The following SON variants were observed in gnomAD, a reference collection of about 807,000 sequenced individuals.
SON encodes the protein SON DNA and RNA binding protein.
A neutral mutation model predicts 173.3 loss-of-function variants in SON; 4 were observed. The ratio of observed to expected loss-of-function variants is 0.02; its 90% CI spans 0.01 to 0.05. The LOEUF (loss-of-function observed/expected upper bound fraction) is 0.05, where lower values mean the gene tolerates loss of function less well. Ranked by LOEUF, SON falls within the 10% of genes least tolerant of loss-of-function variation. The pLI, the probability that SON is intolerant of heterozygous loss-of-function variation, is 1.00. For synonymous variants in SON, 1,190 were observed against 1,105.9 expected (o/e 1.08, Z -1.51); for missense variants, 2,626 against 3,055.3 (o/e 0.86, Z 3.31).
chr21:33,567,420 G>A lies in SON; in HGVS notation c.6768+153G>A, dbSNP rs2086196406. ...TTTCAATGTCTTATTTTAAATGAAA[G>A]TGATTCGAGGCCTGATCATTTATTC... On this transcript the variant is annotated intron_variant, in intron 7 of 11. Transcript: ENST00000356577. 6 of 608,754 alleles carry A rather than the reference G, an allele frequency of 9.9e-6. 1 individual carries two copies. In the East Asian group the frequency reaches 1.7e-4, roughly 17 times the overall value. The allele number at this position is 608,754 out of a possible 1,614,324, so 37.7% of individuals were successfully genotyped here.
chr21:33,545,778 T>TA (rs1212376096), intron 1 of SON, among the ~76,000 whole-genome samples: 4 of 152,246 alleles, frequency 2.6e-5, no homozygotes, highest in African/African-American at 9.6e-5. Context: ...TGTTCCTTGA[T>TA]ACTATTGATG....
In SON at chr21:33,551,381, C is replaced by G; in HGVS notation, c.2150C>G (p.Ala717Gly). The G allele has an allele frequency of 6.2e-7, 1 of 1,614,122 alleles. No homozygotes were observed. Among genetic ancestry groups the G allele is most frequent in the East Asian group, 2.2e-5 (1 of 44,888 alleles). The stretch of plus-strand genomic sequence containing the variant: ...ATGGCCCCAGAATCCCATATATTAG[C>G]TTCTAACACCATGGAGACCCATATA... ...PLMAPESHILASNTMETHILA... is the reference protein window; with the variant it reads ...PLMAPESHILGSNTMETHILA... The change falls in exon 3 of 12, where the codon GCT becomes GGT. Residue 717 changes from alanine to glycine, a missense_variant. Ala to Gly is a moderately conservative substitution (Grantham distance 60, BLOSUM62 0). Around this residue, in one of 13 missense-constraint regions of SON, gnomAD observed 182 missense variants for 193.6 expected, o/e 0.94. Coordinates refer to ENST00000356577, the MANE Select transcript of SON (RefSeq NM_138927.4).
chr21:33,554,607 T>A lies in SON; in HGVS notation c.5376T>A (p.Ile1792=). Residue 1792 remains isoleucine, a synonymous_variant, in exon 3 of 12, where the codon ATT becomes ATA. Transcript: ENST00000356577. ...CAGAGGAAAAAGATGATTATGAAAT[T>A]TTTGTAAAAGTTAAGGACACTCACG... ...SSSEEKDDYE[I]FVKVKDTHEK... is the part of the protein sequence containing the mutation. 6.2e-7 allele frequency: 1 copy of A among 1,613,838 alleles called. No individual in the cohort carries two copies. The highest frequency in any genetic ancestry group is 8.5e-7 in the Non-Finnish European group (1 of 1,179,996).
Position 33,549,456 on chromosome 21 carries a change from T to C in SON, c.245-20T>C, listed in dbSNP as rs1283404610. On this transcript the variant is annotated intron_variant, in intron 2 of 11. Coordinates refer to ENST00000356577, the MANE Select transcript of SON (RefSeq NM_138927.4). ...CTACTTTGGGGAATGTCTGACAAAA[T>C]TAATTTCTATTACTTTTAGACTTGA... The C allele has an allele frequency of 6.6e-7, 1 of 1,514,310 alleles. No homozygotes were observed. Among genetic ancestry groups the C allele is most frequent in the Non-Finnish European group, 8.8e-7 (1 of 1,136,798 alleles). 93.8% of individuals were successfully genotyped at this position (1,514,310 alleles called of 1,614,324 possible).
Position 33,553,299 on chromosome 21 carries a change from T to A in SON, c.4068T>A (p.Ala1356=), listed in dbSNP as rs1401455420. 1 of 1,614,196 alleles carries A rather than the reference T, an allele frequency of 6.2e-7. No homozygotes were observed. Among genetic ancestry groups the A allele is most frequent in the Non-Finnish European group, 8.5e-7 (1 of 1,180,018 alleles). The part of the protein sequence containing the change: ...PPAMAAPESS[A]MAVLESSAVT... ...CCATGGCTGCCCCAGAGTCTTCAGC[T>A]ATGGCTGTCCTGGAGTCTTCGGCTG... Residue 1356 remains alanine (A), a synonymous_variant, in exon 3 of 12, where the codon GCT becomes GCA. Coordinates refer to ENST00000356577, the MANE Select transcript of SON (RefSeq NM_138927.4).
chr21:33,553,155 A>G lies in SON; in HGVS notation c.3924A>G (p.Thr1308=). 6.2e-7 allele frequency: 1 copy of G among 1,614,216 alleles called. No homozygotes were observed. Among genetic ancestry groups the G allele is most frequent in the Non-Finnish European group, 8.5e-7 (1 of 1,180,046 alleles). Reference sequence around the variant, plus strand: ...CAGAGCCTCCTGTTATGTCAGAGACAGCAGAAACATTTGATTCCATGAGAG... The same window carrying G: ...CAGAGCCTCCTGTTATGTCAGAGACGGCAGAAACATTTGATTCCATGAGAG... The part of the protein sequence containing the change: ...LASEPPVMSE[T]AETFDSMRAS... Residue 1308 remains threonine (T), a synonymous_variant, in exon 3 of 12, where the codon ACA becomes ACG. Transcript: ENST00000356577.
intron 6 of SON, 93 bp from the exon 7 acceptor site, chr21:33,567,061 TTTG>T: frequency 1.6e-6 from 1 of 624,100 alleles, no homozygotes; most frequent in Non-Finnish European, 2.9e-6. Context: ...AGACTATTAT[TTTG>T]TTTTTGATAT....
At chr21:33,549,408 G>T in intron 2 of SON, 68 bp from the exon 3 acceptor site, 2 of 1,325,144 alleles carry the variant, frequency 1.5e-6, no homozygotes, top group South Asian at 1.5e-5. Context: ...TGTAAATATG[G>T]GTTTATATGA....
chr21:33,555,249 A>G lies in SON; in HGVS notation c.6018A>G (p.Arg2006=), dbSNP rs986529707. 3 of 1,612,298 alleles carry G rather than the reference A, an allele frequency of 1.9e-6. No homozygotes were observed. In the African/African-American group the frequency reaches 4.0e-5, roughly 22 times the overall value. Residue 2006 remains arginine, a synonymous_variant, in exon 3 of 12, where the codon AGA becomes AGG. Coordinates refer to ENST00000356577, the MANE Select transcript of SON (RefSeq NM_138927.4). ...SRRRRSRSVV[R]RRSFSISPVR... ...GGAGAAGATCAAGGTCTGTGGTAAGAAGACGAAGCTTCAGTATCTCACCAG... is the reference window on the plus strand; with the variant it reads ...GGAGAAGATCAAGGTCTGTGGTAAGGAGACGAAGCTTCAGTATCTCACCAG...
At chr21:33,545,614 A>G (rs2085596229) in intron 1 of SON, among the ~76,000 whole-genome samples, 1 of 152,232 alleles carries the variant, frequency 6.6e-6, no homozygotes, top group African/African-American at 2.4e-5. Context: ...CACTTGTTTT[A>G]TGTGAGTTTT....
At chr21:33,558,036 T>A (rs946348659) in intron 4 of SON, 2 of 164,290 alleles carry the variant, frequency 1.2e-5, no homozygotes, top group East Asian at 1.9e-4. Context: ...CCACACTGTT[T>A]CATATATTGG....
rs1048950383 is a variant in SON, at chr21:33,567,091, T to C, written c.6658-66T>C. The stretch of plus-strand genomic sequence containing the variant: ...TTTTGATATGTAGCAACTAAAGATA[T>C]GAGTACTTTTCAGAATTTAGGGGAC... On this transcript the variant is annotated intron_variant, in intron 6 of 11. Coordinates refer to ENST00000356577, the MANE Select transcript of SON (RefSeq NM_138927.4). 4 of 844,702 alleles carry C rather than the reference T, an allele frequency of 4.7e-6. No individual in the cohort carries two copies. The African/African-American group carries it at 5.1e-5, about 11-fold the overall frequency. The allele number at this position is 844,702 out of a possible 1,614,324, so 52.3% of individuals were successfully genotyped here.
chr21:33,561,816 CATT>C (rs778811416), intron 6 of SON, among the ~76,000 whole-genome samples: 4 of 152,068 alleles, frequency 2.6e-5, no homozygotes, highest in Non-Finnish European at 5.9e-5. Flanking sequence ...ATAATGGTGA[CATT>C]ATTTTTTGTT....
At chr21:33,560,494 A>T (rs1569062613) in intron 6 of SON, 6 of 1,007,136 alleles carry the variant, frequency 6.0e-6, no homozygotes, top group Non-Finnish European at 7.1e-6. Context: ...CCAAGTGTCA[A>T]AACAACCCCA....
intron 1 of SON, among the ~76,000 whole-genome samples, chr21:33,543,755 A>G (rs1280955821): frequency 6.6e-6 from 1 of 152,232 alleles, no homozygotes; most frequent in African/African-American, 2.4e-5. Context: ...ACTCAAACTG[A>G]TGCACTTGCT....
At chr21:33,543,429 C>T (rs80141783) in intron 1 of SON, 16 of 519,084 alleles carry the variant, frequency 3.1e-5, no homozygotes, top group East Asian at 1.7e-4. Context: ...TCACCCTTCT[C>T]CCCTGTTTGG....
chr21:33,558,224 C>G (rs2086005308), intron 4 of SON: 1 of 152,060 alleles, frequency 6.6e-6, no homozygotes. Flanking sequence ...ACAGGTGTAC[C>G]CAAATTTACT....
chr21:33,566,135 C>T (rs1006036085), intron 6 of SON, among the ~76,000 whole-genome samples: 1 of 152,136 alleles, frequency 6.6e-6, no homozygotes, highest in Non-Finnish European at 1.5e-5. Flanking sequence ...TATGTTCATG[C>T]AGTGTCTACT....
chr21:33,548,517 A>T (rs1354961561), intron 2 of SON, among the ~76,000 whole-genome samples: 1 of 152,234 alleles, frequency 6.6e-6, no homozygotes. Context: ...TGTTATTCAG[A>T]TATTTTTATA....
Sources: gnomAD v4.1 joint callset for allele counts (sites outside exome capture counted in the v4.1 genomes callset) on GRCh38, gnomAD v4.1.1 for gene constraint, gnomAD v4.1.1 regional missense constraint, MANE v1.5 for transcripts, NCBI Gene and HGNC (gene_info 2026-07-23, HGNC 2026-07-21) for gene names.